Variants in SLC22A14 observed in about 807,000 individuals in gnomAD.
SLC22A14 encodes the protein solute carrier family 22 member 14, also known as organic cation transporter-like 4.
Under a neutral mutation model 53.9 loss-of-function variants are expected in SLC22A14, and 50 were observed. That is an observed-to-expected ratio of 0.93 (90% CI 0.74 to 1.17). The LOEUF (loss-of-function observed/expected upper bound fraction) is 1.17. SLC22A14 is among the 50% of genes most tolerant of loss of function. The pLI is 0.00. For synonymous variants in SLC22A14, 312 were observed against 303.0 expected (o/e 1.03, Z -0.31); for missense variants, 671 against 734.7 (o/e 0.91, Z 1.00).
At chr3:38,311,016 T>C (rs1704453727) in intron 5 of SLC22A14, among the ~76,000 whole-genome samples, 1 of 152,196 alleles carries the variant, frequency 6.6e-6, no homozygotes, top group Non-Finnish European at 1.5e-5. Flanking sequence ...TGTTTCTGAA[T>C]TAGCAAGTTC....
chr3:38,312,957 G>A, intron 5 of SLC22A14, 42 bp from the exon 6 acceptor site: 4 of 1,564,534 alleles, frequency 2.6e-6, no homozygotes, highest in Middle Eastern at 1.7e-4. Context: ...GGGTCTCTGG[G>A]CATCATAGAA....
In SLC22A14 at chr3:38,313,734, G is replaced by A. The variant is rs73064822; in HGVS notation, c.1171G>A (p.Val391Ile). 0.16 allele frequency: 265,009 copies of A among 1,609,874 alleles called. 22,584 individuals carry two copies. The highest frequency in any genetic ancestry group is 0.22 in the Middle Eastern group (1,289 of 5,972). The change falls in exon 8 of 11, where the codon GTC becomes ATC. Residue 391 changes from valine to isoleucine, a missense_variant. Coordinates refer to ENST00000448498, the MANE Select transcript of SLC22A14 (RefSeq NM_001320033.2). ...CCTCCTGGCTTCATCCAGGTTTACC[G>A]TCAGTTACACCTATTTTACGTTGAG... ...TLVMSCVWFT[V>I]SYTYFTLSLR...
At chr3:38,298,423 CATCT>C (rs60379934) in intron 1 of SLC22A14, among the ~76,000 whole-genome samples, 70,991 of 146,196 alleles carry the variant, frequency 0.49, 17,108 homozygotes, top group East Asian at 0.51. Flanking sequence ...CTTGCACACA[CATCT>C]ATCTATCTAT....
At chr3:38,314,062 T>C in intron 8 of SLC22A14, 121 bp downstream of exon 8, 1 of 731,002 alleles carries the variant, frequency 1.4e-6, no homozygotes, top group Non-Finnish European at 2.3e-6. Context: ...TCTGCACCTA[T>C]AGCCCACCCA....
Position 38,318,357 on chromosome 3 carries a change from A to T in SLC22A14, c.*108A>T. 9.6e-7 allele frequency: 1 copy of T among 1,042,586 alleles called. No homozygotes were observed. 64.6% of individuals were successfully genotyped at this position (1,042,586 alleles called of 1,614,324 possible). A position where few individuals can be genotyped will look rare whatever the true frequency, so the allele number is the denominator to read the frequency against. The stretch of plus-strand genomic sequence containing the variant: ...TTCAATAAAGAGGAAGCAAACAGCC[A>T]GGCTCCCTGAGGGCCAGGCCCCCAG... On this transcript the variant is annotated 3_prime_UTR_variant, in exon 11 of 11. Coordinates refer to ENST00000448498, the MANE Select transcript of SLC22A14 (RefSeq NM_001320033.2).
At chr3:38,288,741 A>C (rs1004302054) in intron 1 of SLC22A14, among the ~76,000 whole-genome samples, 1 of 152,204 alleles carries the variant, frequency 6.6e-6, no homozygotes, top group African/African-American at 2.4e-5. Context: ...ATGATTAAAA[A>C]AATTAATAAT....
In SLC22A14 at chr3:38,313,370, G is replaced by T. The variant is rs770652278; in HGVS notation, c.1066-18G>T. On this transcript the variant is annotated intron_variant, in intron 6 of 10. Coordinates refer to ENST00000448498, the MANE Select transcript of SLC22A14 (RefSeq NM_001320033.2). ...GGGGTCTTGGCCCTGCCTCTGACTGGTCCTGCTTGTTCTGTAGCTGCAGCT... is the reference window on the plus strand; with the variant it reads ...GGGGTCTTGGCCCTGCCTCTGACTGTTCCTGCTTGTTCTGTAGCTGCAGCT... 1.9e-6 allele frequency: 3 copies of T among 1,597,528 alleles called. No individual in the cohort carries two copies. Among genetic ancestry groups the T allele is most frequent in the Non-Finnish European group, 2.6e-6 (3 of 1,165,392 alleles).
chr3:38,292,618 G>A (rs999113714), intron 1 of SLC22A14, among the ~76,000 whole-genome samples: 5 of 152,104 alleles, frequency 3.3e-5, no homozygotes, highest in East Asian at 3.9e-4. Flanking sequence ...GTCTAAGGGG[G>A]TACTGCCTTT....
At chr3:38,284,863 G>A (rs908323981) in intron 1 of SLC22A14, among the ~76,000 whole-genome samples, 2 of 152,166 alleles carry the variant, frequency 1.3e-5, no homozygotes, top group African/African-American at 4.8e-5. Flanking sequence ...GGACTGTAAG[G>A]AAATGGACAC....
At chr3:38,288,887 A>G (rs1703847168) in intron 1 of SLC22A14, among the ~76,000 whole-genome samples, 1 of 152,300 alleles carries the variant, frequency 6.6e-6, no homozygotes, top group African/African-American at 2.4e-5. Flanking sequence ...GGGTTTTAAC[A>G]AAAGTTGTGA....
At chr3:38,286,163 A>C (rs889515773) in intron 1 of SLC22A14, among the ~76,000 whole-genome samples, 13 of 152,042 alleles carry the variant, frequency 8.6e-5, no homozygotes, top group East Asian at 1.9e-4. Context: ...AATTGCTTGA[A>C]CCCAGGGGGT....
intron 1 of SLC22A14, among the ~76,000 whole-genome samples, chr3:38,300,607 A>G (rs952058166): frequency 2.0e-5 from 3 of 152,132 alleles, no homozygotes; most frequent in Non-Finnish European, 4.4e-5. Flanking sequence ...TCCCCCAACA[A>G]TGAACTGCAG....
chr3:38,306,441 T>G lies in SLC22A14; in HGVS notation c.415T>G (p.Trp139Gly). Reference sequence around the variant, plus strand: ...ATGCTTCATGTACCTTCCTGTGCCTTGGAATCTGGATTCTATCATCCAGTT... The same window carrying G: ...ATGCTTCATGTACCTTCCTGTGCCTGGGAATCTGGATTCTATCATCCAGTT... ...LTCFMYLPVP[W>G]NLDSIIQFGL... Residue 139 changes from tryptophan (W) to glycine (G), a missense_variant, in exon 2 of 11, where the codon TGG (tryptophan) becomes GGG (glycine). Coordinates refer to ENST00000448498, the MANE Select transcript of SLC22A14 (RefSeq NM_001320033.2). 1 of 1,614,206 alleles carries G rather than the reference T, an allele frequency of 6.2e-7. No homozygotes were observed. The highest frequency in any genetic ancestry group is 8.5e-7 in the Non-Finnish European group (1 of 1,180,040).
upstream of SLC22A14, among the ~76,000 whole-genome samples, chr3:38,280,148 C>A (rs990426164): frequency 2.0e-5 from 3 of 152,176 alleles, no homozygotes; most frequent in African/African-American, 7.2e-5. Flanking sequence ...AAGAGAACTG[C>A]GCATGCTGGA....
At chr3:38,314,055 G>A (rs1575425072) in intron 8 of SLC22A14, 114 bp downstream of exon 8, 6 of 788,294 alleles carry the variant, frequency 7.6e-6, no homozygotes, top group East Asian at 2.6e-5. Flanking sequence ...TCAGCCTTCT[G>A]CACCTATAGC....
Position 38,293,291 on chromosome 3 carries a change from C to A in SLC22A14, c.-1+10952C>A, listed in dbSNP as rs539269869. Reference sequence around the variant, plus strand: ...CTGGAAGCAAGCCTTATTAGGCATTCAATTTGCCCAGCCTTTCCCTTTTCC... The same window carrying A: ...CTGGAAGCAAGCCTTATTAGGCATTAAATTTGCCCAGCCTTTCCCTTTTCC... On this transcript the variant is annotated intron_variant, in intron 1 of 10. Transcript: ENST00000448498. Among the ~76,000 whole-genome samples, 10 of 152,284 alleles carry A rather than the reference C, an allele frequency of 6.6e-5. No individual in the cohort carries two copies. In the South Asian group the frequency reaches 2.1e-3, roughly 32 times the overall value.
chr3:38,309,401 G>A (rs923213767), intron 5 of SLC22A14, among the ~76,000 whole-genome samples: 16 of 152,122 alleles, frequency 1.1e-4, no homozygotes, highest in African/African-American at 2.7e-4. Flanking sequence ...CCAAGGGAAG[G>A]GTCAGTGTTG....
chr3:38,294,703 C>A (rs571664667), intron 1 of SLC22A14, among the ~76,000 whole-genome samples: 1 of 152,070 alleles, frequency 6.6e-6, no homozygotes. Flanking sequence ...TTATGCTCAC[C>A]GATGTAGCAG....
At position 38,307,513 on chromosome 3, in the gene SLC22A14, G is replaced by C; in HGVS notation, c.621-53G>C. On this transcript the variant is annotated intron_variant, in intron 3 of 10. Coordinates refer to ENST00000448498, the MANE Select transcript of SLC22A14 (RefSeq NM_001320033.2). This position sits in a 1 kb window ranked among gnomAD's most constrained non-coding sequence, Gnocchi z 4.4. ...GCCTGGCCCAGGTGTATCCGGCTGGGGCCAGCCCGGGAGATCCCGGCACTT... is the reference window on the plus strand; with the variant it reads ...GCCTGGCCCAGGTGTATCCGGCTGGCGCCAGCCCGGGAGATCCCGGCACTT... The C allele has an allele frequency of 1.2e-6, 2 of 1,603,598 alleles. No homozygotes were observed. Among genetic ancestry groups the C allele is most frequent in the Non-Finnish European group, 1.7e-6 (2 of 1,174,422 alleles).
Sources: allele counts gnomAD v4.1 joint callset (sites outside exome capture counted in the v4.1 genomes callset), GRCh38; gene constraint gnomAD v4.1.1; non-coding constraint Gnocchi (gnomAD v3.1); transcripts MANE v1.5; gene names NCBI Gene and HGNC (gene_info 2026-07-23, HGNC 2026-07-21).